Variants in ERC2 observed in about 807,000 individuals in gnomAD.
The protein encoded by ERC2 is ERC protein 2.
ERC2 carries 42 observed loss-of-function variants against 114.8 expected under a neutral mutation model. That is an observed-to-expected ratio of 0.37 (90% CI 0.29 to 0.47). The LOEUF is 0.47. ERC2 is among the 20% of genes least tolerant of loss of function. The probability of loss-of-function intolerance (pLI) is 0.99; values close to 1 mark genes in which losing one functional copy is unlikely to be tolerated. For missense variants in ERC2, 939 were observed against 1,150.7 expected, an observed-to-expected ratio of 0.82 and a Z score of 2.66; for synonymous variants, 454 against 425.5, an observed-to-expected ratio of 1.07 and a Z score of -0.82.
intron 17 of ERC2, among the ~76,000 whole-genome samples, chr3:55,524,434 A>G (rs569755590): frequency 6.6e-6 from 1 of 151,480 alleles, no homozygotes; most frequent in African/African-American, 2.4e-5. Context: ...CCACGTTGGC[A>G]GCCTCGTACT....
intron 13 of ERC2, among the ~76,000 whole-genome samples, chr3:55,947,477 G>A (rs1339876580): frequency 1.3e-5 from 2 of 152,188 alleles, no homozygotes; most frequent in East Asian, 1.9e-4. Flanking sequence ...TTGGTCATGT[G>A]CTTTGCTTTG....
At chr3:55,626,965 C>G (rs2059545123) in intron 17 of ERC2, among the ~76,000 whole-genome samples, 1 of 152,214 alleles carries the variant, frequency 6.6e-6, no homozygotes, top group East Asian at 1.9e-4. Flanking sequence ...TAGGATTATG[C>G]CTGGCCTGTG....
intron 2 of ERC2, among the ~76,000 whole-genome samples, chr3:56,430,560 G>A (rs1235230122): frequency 1.3e-5 from 2 of 152,150 alleles, no homozygotes. Context: ...GGCTGAGGTG[G>A]GAGGATCACT....
At chr3:56,315,616 A>T (rs935679774) in intron 2 of ERC2, among the ~76,000 whole-genome samples, 1 of 152,200 alleles carries the variant, frequency 6.6e-6, no homozygotes, top group African/African-American at 2.4e-5. Context: ...ATTATTTTTC[A>T]AATCTTCAAA....
At chr3:55,565,994 A>G (rs545953354) in intron 17 of ERC2, among the ~76,000 whole-genome samples, 129 of 152,344 alleles carry the variant, frequency 8.5e-4, no homozygotes, top group Non-Finnish European at 1.6e-3. Flanking sequence ...TGTTGCACCC[A>G]GCAAGGAGGC....
At chr3:55,743,826 C>T (rs1044261862) in intron 14 of ERC2, among the ~76,000 whole-genome samples, 1 of 152,044 alleles carries the variant, frequency 6.6e-6, no homozygotes, top group African/African-American at 2.4e-5. Context: ...TACTCACTGT[C>T]TCTGAAACTT....
intron 15 of ERC2, among the ~76,000 whole-genome samples, chr3:55,720,426 C>G (rs988092280): frequency 6.7e-6 from 1 of 150,162 alleles, no homozygotes; most frequent in Non-Finnish European, 1.5e-5. Flanking sequence ...GCTGAGACTA[C>G]AGGCACATGC....
At chr3:55,920,203 TG>T (rs1457869983) in intron 13 of ERC2, among the ~76,000 whole-genome samples, 5 of 152,086 alleles carry the variant, frequency 3.3e-5, no homozygotes. Context: ...CAAGCAAATA[TG>T]AAAAAATTAT....
At chr3:55,569,820 C>CA (rs2056597492) in intron 17 of ERC2, among the ~76,000 whole-genome samples, 1 of 151,062 alleles carries the variant, frequency 6.6e-6, no homozygotes, top group Admixed American at 6.6e-5. Flanking sequence ...TAGAAAGAAA[C>CA]ACAGTCAATA....
At chr3:56,307,322 C>T (rs564729242) in intron 2 of ERC2, among the ~76,000 whole-genome samples, 30 of 152,286 alleles carry the variant, frequency 2.0e-4, no homozygotes, top group African/African-American at 6.7e-4. Context: ...AACCTGAATC[C>T]TTGCGTCTTA....
chr3:56,168,024 T>C (rs1301717163), intron 4 of ERC2, among the ~76,000 whole-genome samples: 1 of 152,144 alleles, frequency 6.6e-6, no homozygotes, highest in East Asian at 1.9e-4. Context: ...AAAGTAAATG[T>C]TGAAAGAAAA....
At chr3:56,186,700 G>T (rs952586156) in intron 3 of ERC2, among the ~76,000 whole-genome samples, 6 of 152,070 alleles carry the variant, frequency 3.9e-5, no homozygotes, top group East Asian at 3.9e-4. Flanking sequence ...CACCATGCCT[G>T]GCTAATTTTT....
intron 17 of ERC2, among the ~76,000 whole-genome samples, chr3:55,524,503 T>G (rs2053179257): frequency 1.3e-5 from 2 of 149,380 alleles, no homozygotes; most frequent in Admixed American, 1.3e-4. Context: ...TCCAGTGGTT[T>G]TTTTTTTTTT....
intron 2 of ERC2, among the ~76,000 whole-genome samples, chr3:56,388,148 G>C (rs1276409789): frequency 3.9e-5 from 6 of 152,126 alleles, no homozygotes; most frequent in African/African-American, 1.2e-4. Flanking sequence ...GCATACAATG[G>C]TGATACAGTT....
At chr3:56,019,573 T>TTATC (rs1375671261) in intron 7 of ERC2, among the ~76,000 whole-genome samples, 1 of 152,136 alleles carries the variant, frequency 6.6e-6, no homozygotes, top group Non-Finnish European at 1.5e-5. Context: ...GCCAAGTAGG[T>TTATC]TATCACCAGC....
intron 7 of ERC2, among the ~76,000 whole-genome samples, chr3:56,025,552 C>T (rs977831322): frequency 6.6e-6 from 1 of 152,174 alleles, no homozygotes; most frequent in African/African-American, 2.4e-5. Context: ...GTACTTCCCT[C>T]CCTCTTTAAA....
At chr3:55,815,879 C>T (rs2059888954) in intron 14 of ERC2, among the ~76,000 whole-genome samples, 3 of 152,138 alleles carry the variant, frequency 2.0e-5, no homozygotes, top group African/African-American at 7.2e-5. Context: ...CGTGAGTAAG[C>T]AGGTTACCAC....
intron 17 of ERC2, among the ~76,000 whole-genome samples, chr3:55,681,400 C>A (rs1238068833): frequency 1.3e-5 from 2 of 152,046 alleles, no homozygotes; most frequent in African/African-American, 2.4e-5. Context: ...TTTATAGGGG[C>A]CATAAATCAA....
chr3:55,694,813 C>A lies in ERC2; in HGVS notation c.2847+4565G>T, dbSNP rs144108539. On this transcript the variant is annotated intron_variant, in intron 16 of 17. Coordinates refer to ENST00000288221, the MANE Select transcript of ERC2 (RefSeq NM_015576.3). ...GATCAGGGTCCTTGAAGACCTAACA[C>A]CCAACCCAAGACCCGGGAAGAGAAA... Among the ~76,000 whole-genome samples the A allele has an allele frequency of 8.9e-4, 135 of 152,316 alleles. 1 individual carries two copies. The highest frequency in any genetic ancestry group is 3.4e-3 in the Middle Eastern group (1 of 294).
Sources: allele counts gnomAD v4.1 joint callset (sites outside exome capture counted in the v4.1 genomes callset), GRCh38; gene constraint gnomAD v4.1.1; transcripts MANE v1.5; gene names NCBI Gene and HGNC (gene_info 2026-07-23, HGNC 2026-07-21).